DLC1: variants seen among roughly 807,000 people sequenced by gnomAD.
DLC1 encodes rho GTPase-activating protein 7.
In DLC1, 54 loss-of-function variants were observed where a neutral mutation model predicts 140.3. The observed-to-expected ratio is 0.38, with a 90% confidence interval of 0.31 to 0.48. The LOEUF is 0.48. Ranked by LOEUF, DLC1 falls within the 20% of genes least tolerant of loss-of-function variation. The pLI is 0.96. For missense variants in DLC1, 2,536 were observed against 1,907.0 expected, an observed-to-expected ratio of 1.33 and a Z score of -6.14; for synonymous variants, 986 against 728.1, an observed-to-expected ratio of 1.35 and a Z score of -5.70.
intron 1 of DLC1, among the ~76,000 whole-genome samples, chr8:13,550,485 A>G (rs1803808684): frequency 6.6e-6 from 1 of 152,138 alleles, no homozygotes; most frequent in African/African-American, 2.4e-5. Context: ...CTTGAGCTAT[A>G]TACAGGCAAT....
chr8:13,403,547 T>C (rs1231039480), intron 2 of DLC1, among the ~76,000 whole-genome samples: 1 of 152,212 alleles, frequency 6.6e-6, no homozygotes. Flanking sequence ...GTTTCATTCT[T>C]TGTGTAACGG....
chr8:13,387,324 A>C (rs572129131), intron 4 of DLC1, among the ~76,000 whole-genome samples: 25 of 152,170 alleles, frequency 1.6e-4, no homozygotes, highest in Non-Finnish European at 3.2e-4. Context: ...ATTGAACAGC[A>C]TTAGGGAAAA....
chr8:13,235,862 G>GA (rs1434142683), intron 5 of DLC1, among the ~76,000 whole-genome samples: 5 of 151,890 alleles, frequency 3.3e-5, no homozygotes, highest in Admixed American at 6.6e-5. Flanking sequence ...AGATGGAAGG[G>GA]AAAAGACTAT....
Position 13,499,472 on chromosome 8 carries a change from A to C in DLC1, c.600T>G (p.Ser200Arg). ...SLELCNEISLSEIKDAPKVNA... is the reference protein window; with the variant it reads ...SLELCNEISLREIKDAPKVNA... ...TTACTTTGGGTGCATCTTTTATTTC[A>C]CTTAAGCTTATTTCATTGCAAAGCT... The change falls in exon 2 of 18, where the codon AGT becomes AGG. Residue 200 changes from serine to arginine, a missense_variant. Ser to Arg is a moderately radical substitution (Grantham distance 110). Transcript: ENST00000276297. 1.9e-6 allele frequency: 3 copies of C among 1,614,006 alleles called. No homozygotes were observed. Among genetic ancestry groups the C allele is most frequent in the Non-Finnish European group, 2.5e-6 (3 of 1,179,998 alleles).
At chr8:13,272,486 C>T (rs992902871) in intron 5 of DLC1, among the ~76,000 whole-genome samples, 1 of 152,080 alleles carries the variant, frequency 6.6e-6, no homozygotes, top group Non-Finnish European at 1.5e-5. Flanking sequence ...TATTTAATTT[C>T]TTTCAGCTTA....
At chr8:13,412,683 C>G (rs1442991883) in intron 2 of DLC1, among the ~76,000 whole-genome samples, 1 of 152,022 alleles carries the variant, frequency 6.6e-6, no homozygotes, top group African/African-American at 2.4e-5. Context: ...CCTGTAATCC[C>G]AGCACTTTGG....
intron 3 of DLC1, among the ~76,000 whole-genome samples, chr8:13,396,338 C>T (rs899581990): frequency 1.3e-5 from 2 of 152,072 alleles, no homozygotes; most frequent in Admixed American, 6.6e-5. Context: ...AGATTACAGA[C>T]GTGAGCTGCT....
At chr8:13,172,353 C>G (rs1197414276) in intron 5 of DLC1, among the ~76,000 whole-genome samples, 1 of 152,152 alleles carries the variant, frequency 6.6e-6, no homozygotes, top group Non-Finnish European at 1.5e-5. Context: ...AGAAAGGAAG[C>G]CAACAGGTAT....
chr8:13,439,541 C>A (rs891139486), intron 2 of DLC1, among the ~76,000 whole-genome samples: 1 of 151,886 alleles, frequency 6.6e-6, no homozygotes, highest in Non-Finnish European at 1.5e-5. Context: ...ATTTCAAATG[C>A]AATTAGTATT....
At chr8:13,383,904 G>A (rs117413818) in intron 4 of DLC1, among the ~76,000 whole-genome samples, 1,924 of 152,294 alleles carry the variant, frequency 0.013, 28 homozygotes, top group South Asian at 0.052. Flanking sequence ...GCAGCCTCAC[G>A]AAAGACCCAT....
intron 4 of DLC1, among the ~76,000 whole-genome samples, chr8:13,373,114 C>T (rs1223353458): frequency 6.6e-6 from 1 of 152,154 alleles, no homozygotes; most frequent in African/African-American, 2.4e-5. Context: ...CTCCTAAGCT[C>T]AAGCATTCCT....
At chr8:13,371,851 C>A (rs1375808007) in intron 4 of DLC1, among the ~76,000 whole-genome samples, 1 of 152,094 alleles carries the variant, frequency 6.6e-6, no homozygotes, top group African/African-American at 2.4e-5. Context: ...ACACAGTAGG[C>A]ACTCACTCAA....
chr8:13,494,565 T>C (rs889100302), intron 2 of DLC1, among the ~76,000 whole-genome samples: 1 of 152,182 alleles, frequency 6.6e-6, no homozygotes, highest in Non-Finnish European at 1.5e-5. Flanking sequence ...GTTCAGAACT[T>C]CTTATCCCTA....
chr8:13,097,423 T>C (rs966004737), intron 10 of DLC1, among the ~76,000 whole-genome samples: 1 of 151,890 alleles, frequency 6.6e-6, no homozygotes, highest in African/African-American at 2.4e-5. Context: ...GCCACCACAC[T>C]CAGCTAATTT....
chr8:13,525,802 G>A (rs1802904254), intron 1 of DLC1, among the ~76,000 whole-genome samples: 5 of 152,108 alleles, frequency 3.3e-5, no homozygotes, highest in Admixed American at 1.3e-4. Context: ...CTTTTGAAGA[G>A]TAGAAATTTT....
At chr8:13,109,816 C>T (rs1452669374) in intron 7 of DLC1, among the ~76,000 whole-genome samples, 7 of 150,278 alleles carry the variant, frequency 4.7e-5, no homozygotes, top group Non-Finnish European at 8.9e-5. Flanking sequence ...ACCTGGGAGG[C>T]GGAGGTTGCA....
intron 5 of DLC1, among the ~76,000 whole-genome samples, chr8:13,198,747 T>A (rs901296529): frequency 2.7e-5 from 4 of 150,892 alleles, no homozygotes; most frequent in African/African-American, 7.3e-5. Flanking sequence ...AAATGGAGTC[T>A]CGCTCTGTCA....
At chr8:13,245,905 T>C (rs953167791) in intron 5 of DLC1, among the ~76,000 whole-genome samples, 2 of 152,116 alleles carry the variant, frequency 1.3e-5, no homozygotes, top group African/African-American at 4.8e-5. Context: ...TTTCACCATG[T>C]TGGACAGGCT....
chr8:13,574,374 T>A (rs1461752297), intron 1 of DLC1, among the ~76,000 whole-genome samples: 1 of 152,194 alleles, frequency 6.6e-6, no homozygotes, highest in Non-Finnish European at 1.5e-5. Flanking sequence ...GGGATAAAAA[T>A]TCTTAACGCT....
Sources: allele counts gnomAD v4.1 joint callset (sites outside exome capture counted in the v4.1 genomes callset), GRCh38; gene constraint gnomAD v4.1.1; transcripts MANE v1.5; gene names NCBI Gene and HGNC (gene_info 2026-07-23, HGNC 2026-07-21).